ACSS3: variants seen among roughly 807,000 people sequenced by gnomAD.
The protein encoded by ACSS3 is acyl-CoA synthetase short chain family member 3.
Under a neutral mutation model 84.2 loss-of-function variants are expected in ACSS3, and 64 were observed. That is an observed-to-expected ratio of 0.76 (90% CI 0.62 to 0.94). The LOEUF is 0.94. Among genes scored for constraint, ACSS3 ranks in the 40% least tolerant of loss-of-function variants. The pLI is 0.00. For synonymous variants in ACSS3, 317 were observed against 310.1 expected (o/e 1.02, Z -0.23); for missense variants, 815 against 867.6 (o/e 0.94, Z 0.76).
chr12:81,089,295 T>G (rs1355013136), intron 1 of ACSS3, among the ~76,000 whole-genome samples: 1 of 151,916 alleles, frequency 6.6e-6, no homozygotes, highest in East Asian at 1.9e-4. Flanking sequence ...TTATTTTTCT[T>G]TCATTCTTTT....
At chr12:81,199,536 A>G in intron 9 of ACSS3, 92 bp downstream of exon 9, 1 of 1,473,116 alleles carries the variant, frequency 6.8e-7, no homozygotes, top group Non-Finnish European at 9.3e-7. Context: ...CGACCAGCAG[A>G]TCAGACACAA....
chr12:81,112,052 A>G lies in ACSS3; in HGVS notation c.456+2348A>G, dbSNP rs557145181. Among the ~76,000 whole-genome samples the G allele has an allele frequency of 3.3e-5, 5 of 152,306 alleles. No homozygotes were observed. In the South Asian group the frequency reaches 8.3e-4, roughly 25 times the overall value. On this transcript the variant is annotated intron_variant, in intron 2 of 15. Transcript: ENST00000548058. ...GAGTTAGAAAGGCACTCTGTTACCA[A>G]ATGAGCTTGTTATTCTTACGAGGCT... is the stretch of plus-strand genomic sequence containing the variant.
chr12:81,084,319 G>T (rs1881180073), intron 1 of ACSS3, among the ~76,000 whole-genome samples: 1 of 152,184 alleles, frequency 6.6e-6, no homozygotes. Context: ...GGAGTAATGA[G>T]AACATAAAAT....
At chr12:81,153,330 C>T (rs146869232) in intron 7 of ACSS3, among the ~76,000 whole-genome samples, 1 of 151,248 alleles carries the variant, frequency 6.6e-6, no homozygotes. Context: ...ATCACTTGAA[C>T]CTGGGAGGTA....
intron 2 of ACSS3, among the ~76,000 whole-genome samples, chr12:81,115,756 A>G (rs750827992): frequency 1.3e-5 from 2 of 152,194 alleles, no homozygotes; most frequent in Non-Finnish European, 2.9e-5. Context: ...TAACAAAAAT[A>G]ATAAAGATTC....
At chr12:81,211,726 A>G (rs1382749899) in intron 9 of ACSS3, among the ~76,000 whole-genome samples, 1 of 152,210 alleles carries the variant, frequency 6.6e-6, no homozygotes, top group Admixed American at 6.5e-5. Flanking sequence ...AACTATTTAA[A>G]TAAATTATAT....
chr12:81,243,168 A>G (rs1271136386), intron 13 of ACSS3, among the ~76,000 whole-genome samples: 10 of 152,166 alleles, frequency 6.6e-5, no homozygotes, highest in Admixed American at 6.5e-4. Context: ...AAGTCTCAGG[A>G]TACAAAATCA....
intron 8 of ACSS3, among the ~76,000 whole-genome samples, chr12:81,197,350 C>T (rs1458517509): frequency 6.6e-6 from 1 of 152,098 alleles, no homozygotes; most frequent in East Asian, 1.9e-4. Flanking sequence ...GTCAAATGCA[C>T]CTTCAGGGCC....
intron 9 of ACSS3, among the ~76,000 whole-genome samples, chr12:81,203,031 T>C (rs561471995): frequency 3.3e-5 from 5 of 152,278 alleles, no homozygotes; most frequent in African/African-American, 1.2e-4. Context: ...GGAATTCTGG[T>C]AGCATGGCTC....
Position 81,089,800 on chromosome 12 carries a change from A to G in ACSS3, c.311+11369A>G, listed in dbSNP as rs575781574. Among the ~76,000 whole-genome samples the G allele has an allele frequency of 3.3e-5, 5 of 152,096 alleles. No individual in the cohort carries two copies. In the South Asian group the frequency reaches 8.3e-4, roughly 25 times the overall value. On this transcript the variant is annotated intron_variant, in intron 1 of 15. Transcript: ENST00000548058. Reference sequence around the variant, plus strand: ...AAGAATTTGATTTGTGTTGGGCCCTATGCTAATCACTATATGTATATTATC... The same window carrying G: ...AAGAATTTGATTTGTGTTGGGCCCTGTGCTAATCACTATATGTATATTATC...
intron 11 of ACSS3, among the ~76,000 whole-genome samples, chr12:81,220,417 C>T (rs1041006995): frequency 2.0e-5 from 3 of 151,942 alleles, no homozygotes; most frequent in African/African-American, 7.2e-5. Context: ...GCAATTACAT[C>T]ATTAACTTCA....
chr12:81,128,212 T>C (rs1279399571), intron 2 of ACSS3, among the ~76,000 whole-genome samples: 1 of 152,028 alleles, frequency 6.6e-6, no homozygotes, highest in Non-Finnish European at 1.5e-5. Flanking sequence ...ATTTCTTTGG[T>C]GTAAGGACCA....
chr12:81,139,139 G>A lies in ACSS3; in HGVS notation c.654G>A (p.Val218=), dbSNP rs776661069. The change falls in exon 4 of 16, where the codon GTG becomes GTA. Residue 218 remains valine (V), a synonymous_variant. Transcript: ENST00000548058. The part of the protein sequence containing the change: ...SSRIDHVKPK[V]VVTASFGIEP... Reference sequence around the variant, plus strand: ...TTATTTTTTAATTGTAGCCCAAGGTGGTTGTTACAGCATCATTTGGCATTG... The same window carrying A: ...TTATTTTTTAATTGTAGCCCAAGGTAGTTGTTACAGCATCATTTGGCATTG... 1 of 1,613,164 alleles carries A rather than the reference G, an allele frequency of 6.2e-7. No homozygotes were observed. Among genetic ancestry groups the A allele is most frequent in the Admixed American group, 1.7e-5 (1 of 60,006 alleles).
At chr12:81,216,288 C>T (rs777876641) in intron 9 of ACSS3, among the ~76,000 whole-genome samples, 14 of 145,518 alleles carry the variant, frequency 9.6e-5, no homozygotes, top group South Asian at 2.2e-4. Flanking sequence ...CATCACACAC[C>T]GGGGACTGTT....
rs764094276 is a variant in ACSS3, at chr12:81,231,040, C to A, written c.1515-17C>A. The A allele has an allele frequency of 3.0e-5, 47 of 1,589,480 alleles. No individual in the cohort carries two copies. Among genetic ancestry groups the A allele is most frequent in the Non-Finnish European group, 3.9e-5 (45 of 1,162,036 alleles). On this transcript the variant is annotated splice_polypyrimidine_tract_variant and intron_variant, in intron 11 of 15. Coordinates refer to ENST00000548058, the MANE Select transcript of ACSS3 (RefSeq NM_024560.4). ...ACCACTTTCATCATAATTTTAACTT[C>A]TCTGTTTTTATATAAGGTTACCATT...
At chr12:81,231,757 T>A (rs2033473331) in intron 12 of ACSS3, among the ~76,000 whole-genome samples, 1 of 151,814 alleles carries the variant, frequency 6.6e-6, no homozygotes. Flanking sequence ...TGTGTGAAAC[T>A]TGTTACTCCA....
At chr12:81,195,819 A>G (rs769071848) in intron 8 of ACSS3, among the ~76,000 whole-genome samples, 8 of 152,148 alleles carry the variant, frequency 5.3e-5, no homozygotes, top group Non-Finnish European at 1.2e-4. Flanking sequence ...TTCTGTGTCT[A>G]TATCAGGACA....
chr12:81,252,498 T>C (rs2034184871), intron 13 of ACSS3, among the ~76,000 whole-genome samples: 1 of 152,038 alleles, frequency 6.6e-6, no homozygotes, highest in Admixed American at 6.6e-5. Flanking sequence ...CTCTAGCTAT[T>C]AGAGCTAGAG....
intron 8 of ACSS3, among the ~76,000 whole-genome samples, chr12:81,182,270 AC>A (rs1416165810): frequency 6.6e-6 from 1 of 152,198 alleles, no homozygotes; most frequent in African/African-American, 2.4e-5. Flanking sequence ...AATAAAACAA[AC>A]ACAAAACTGC....
Sources: allele counts gnomAD v4.1 joint callset (sites outside exome capture counted in the v4.1 genomes callset), GRCh38; gene constraint gnomAD v4.1.1; transcripts MANE v1.5; gene names NCBI Gene and HGNC (gene_info 2026-07-23, HGNC 2026-07-21).